The following THSD4 variants were observed in gnomAD, a reference collection of about 807,000 sequenced individuals.
The protein encoded by THSD4 is thrombospondin type-1 domain-containing protein 4.
THSD4 carries 69 observed loss-of-function variants against 119.0 expected under a neutral mutation model. The ratio of observed to expected loss-of-function variants is 0.58; its 90% CI spans 0.48 to 0.71. The LOEUF is 0.71. Among genes scored for constraint, THSD4 ranks in the 30% least tolerant of loss-of-function variants. The pLI, the probability that THSD4 is intolerant of heterozygous loss-of-function variation, is 0.00. For synonymous variants in THSD4, 524 were observed against 540.4 expected (o/e 0.97, Z 0.42); for missense variants, 1,393 against 1,391.1 (o/e 1.00, Z -0.02).
chr15:71,328,080 G>A (rs1368104405), intron 6 of THSD4, among the ~76,000 whole-genome samples: 6 of 152,198 alleles, frequency 3.9e-5, no homozygotes, highest in Non-Finnish European at 8.8e-5. Context: ...GCTCAGAGGC[G>A]AGGCTTGTAG....
Position 71,625,493 on chromosome 15 carries a change from CAAAT to C in THSD4, c.1153-35033_1153-35030del, listed in dbSNP as rs573000723. On this transcript the variant is annotated intron_variant, in intron 7 of 17. Coordinates refer to ENST00000261862, the MANE Select transcript of THSD4 (RefSeq NM_024817.3). ...GGAGAAGTTTGAAAAATTCTGCACT[CAAAT>C]AAAAGAGAAAAACAGGAGGACAAAG... Among the ~76,000 whole-genome samples, 41 of 152,206 alleles carry C rather than the reference CAAAT, an allele frequency of 2.7e-4. No homozygotes were observed. The South Asian group carries it at 8.3e-3, about 31-fold the overall frequency.
At chr15:71,529,356 T>G (rs2048576339) in intron 7 of THSD4, among the ~76,000 whole-genome samples, 1 of 152,244 alleles carries the variant, frequency 6.6e-6, no homozygotes, top group South Asian at 2.1e-4. Flanking sequence ...AACTTTCCCC[T>G]TTTATGATAG....
At chr15:71,243,211 A>C in intron 5 of THSD4, 115 bp downstream of exon 5, 1 of 1,023,398 alleles carries the variant, frequency 9.8e-7, no homozygotes, top group Non-Finnish European at 1.4e-6. Flanking sequence ...ATGTTAACAC[A>C]CCTTTTAATC....
chr15:71,188,601 C>T (rs1036962195), intron 3 of THSD4, among the ~76,000 whole-genome samples: 6 of 152,122 alleles, frequency 3.9e-5, no homozygotes, highest in Non-Finnish European at 7.4e-5. Flanking sequence ...CAAACCATCA[C>T]ACCATGCTGC....
At chr15:71,432,170 G>A (rs2046951352) in intron 7 of THSD4, among the ~76,000 whole-genome samples, 2 of 152,136 alleles carry the variant, frequency 1.3e-5, no homozygotes, top group South Asian at 2.1e-4. Flanking sequence ...ACACCATTTT[G>A]TATTTGCCAA....
intron 8 of THSD4, among the ~76,000 whole-genome samples, chr15:71,722,204 T>C (rs1595889889): frequency 6.6e-6 from 1 of 152,168 alleles, no homozygotes; most frequent in Non-Finnish European, 1.5e-5. Flanking sequence ...GCCGCAGCTG[T>C]TTTTGATATG....
At chr15:71,097,469 G>A (rs1441215759) in intron 1 of THSD4, among the ~76,000 whole-genome samples, 3 of 151,902 alleles carry the variant, frequency 2.0e-5, no homozygotes, top group East Asian at 3.9e-4. Context: ...CGGAGGCTAA[G>A]GTTAGTGGAT....
chr15:71,313,114 A>G (rs1606888), intron 6 of THSD4, among the ~76,000 whole-genome samples: 116,705 of 151,944 alleles, frequency 0.77, 45,796 homozygotes, highest in East Asian at 0.87. Context: ...TATTTATATC[A>G]GTATCATTTA....
At chr15:71,111,429 G>A (rs1457326706), upstream of THSD4, 5 of 1,597,092 alleles carry the variant, frequency 3.1e-6, no homozygotes, top group East Asian at 1.1e-4. Context: ...CAGAGTTCCT[G>A]GAGGAGGAAG....
chr15:71,541,710 T>G (rs1427288857), intron 7 of THSD4, among the ~76,000 whole-genome samples: 1 of 152,186 alleles, frequency 6.6e-6, no homozygotes, highest in African/African-American at 2.4e-5. Context: ...TGATGGGCAT[T>G]TAGGTGGTTT....
intron 3 of THSD4, among the ~76,000 whole-genome samples, chr15:71,204,904 G>A (rs768165394): frequency 1.3e-4 from 20 of 152,114 alleles, no homozygotes; most frequent in Non-Finnish European, 2.8e-4. Context: ...CAAAATGCAG[G>A]AAATTTGAGG....
chr15:71,193,225 C>T (rs2043688410), intron 3 of THSD4, among the ~76,000 whole-genome samples: 1 of 152,168 alleles, frequency 6.6e-6, no homozygotes, highest in South Asian at 2.1e-4. Context: ...TGGGCGTCCA[C>T]ACTCAGAAAG....
intron 8 of THSD4, among the ~76,000 whole-genome samples, chr15:71,692,784 G>A (rs533378288): frequency 5.3e-5 from 8 of 152,280 alleles, no homozygotes; most frequent in African/African-American, 7.2e-5. Flanking sequence ...AATAAGAAGC[G>A]CTGTCCTCTG....
upstream of THSD4, among the ~76,000 whole-genome samples, chr15:71,113,312 C>G (rs1238206236): frequency 6.6e-6 from 1 of 152,234 alleles, no homozygotes; most frequent in Admixed American, 6.5e-5. Context: ...GGAATCACTT[C>G]TAAGGAGCCA....
At chr15:71,656,006 A>G (rs2051183478) in intron 7 of THSD4, among the ~76,000 whole-genome samples, 1 of 152,220 alleles carries the variant, frequency 6.6e-6, no homozygotes, top group South Asian at 2.1e-4. Context: ...TCTGGTTTGC[A>G]GCCCAACATT....
intron 6 of THSD4, chr15:71,348,307 G>A (rs912833034): frequency 1.1e-4 from 17 of 152,172 alleles, no homozygotes; most frequent in Non-Finnish European, 2.2e-4. Flanking sequence ...TGATTCAGTA[G>A]GTCCACATGA....
At chr15:71,307,749 G>A (rs551204086) in intron 6 of THSD4, among the ~76,000 whole-genome samples, 2 of 152,158 alleles carry the variant, frequency 1.3e-5, no homozygotes, top group African/African-American at 2.4e-5. Flanking sequence ...CAGCCTGGGC[G>A]ACAGAGCTAG....
chr15:71,757,314 G>A (rs1252496145), intron 14 of THSD4, among the ~76,000 whole-genome samples: 1 of 152,108 alleles, frequency 6.6e-6, no homozygotes, highest in African/African-American at 2.4e-5. Context: ...CAGCAACATT[G>A]AGGTGACAGA....
At chr15:71,253,853 A>C (rs919596643) in intron 5 of THSD4, among the ~76,000 whole-genome samples, 3 of 152,224 alleles carry the variant, frequency 2.0e-5, no homozygotes, top group Non-Finnish European at 2.9e-5. Flanking sequence ...CTGTGTATGT[A>C]TACACACACT....
Sources: gnomAD v4.1 joint callset for allele counts (sites outside exome capture counted in the v4.1 genomes callset) on GRCh38, gnomAD v4.1.1 for gene constraint, MANE v1.5 for transcripts, NCBI Gene and HGNC (gene_info 2026-07-23, HGNC 2026-07-21) for gene names.